The following STAT6 variants were observed in gnomAD, a reference collection of about 807,000 sequenced individuals.
STAT6 encodes the protein STAT, interleukin4-induced.
A neutral mutation model predicts 106.3 loss-of-function variants in STAT6; 45 were observed. The observed-to-expected ratio is 0.42, with a 90% CI of 0.33 to 0.54. STAT6 has a LOEUF of 0.54. Among genes scored for constraint, STAT6 ranks in the 20% least tolerant of loss-of-function variants. The pLI, the probability that STAT6 is intolerant of heterozygous loss-of-function variation, is 0.06. For missense variants in STAT6, 797 were observed against 1,062.2 expected, an observed-to-expected ratio of 0.75 and a Z score of 3.47; for synonymous variants, 413 against 413.6, an observed-to-expected ratio of 1.00 and a Z score of 0.02.
At chr12:57,105,800 G>A in intron 7 of STAT6, 1 of 920,498 alleles carries the variant, frequency 1.1e-6, no homozygotes, top group Non-Finnish European at 1.6e-6. Context: ...CATTCTCAGT[G>A]CCTACACCCC....
rs909474877 is a variant in STAT6 at position 57,107,669 on chromosome 12, A to C, written c.191T>G (p.Leu64Arg). ...SALLSDTVQH[L>R]QASVGEQGEG... ...CCCCTGCTCTCCCACCGAGGCCTGAAGGTGCTGGACAGTGTCTGAAAGTAG... is the reference window on the plus strand; with the variant it reads ...CCCCTGCTCTCCCACCGAGGCCTGACGGTGCTGGACAGTGTCTGAAAGTAG... The change falls in exon 3 of 22, where the codon CTT becomes CGT. Residue 64 changes from leucine to arginine, a missense_variant. Coordinates refer to ENST00000300134, the MANE Select transcript of STAT6 (RefSeq NM_003153.5). 6.2e-7 allele frequency: 1 copy of C among 1,613,848 alleles called. No homozygotes were observed. Among genetic ancestry groups the C allele is most frequent in the African/African-American group, 1.3e-5 (1 of 74,840 alleles).
chr12:57,100,751 G>GA (rs1185833280), intron 13 of STAT6: 39 of 222,746 alleles, frequency 1.8e-4, no homozygotes, highest in South Asian at 4.2e-4. Flanking sequence ...AGAAAGAAAA[G>GA]AAAAAAAAAC....
chr12:57,107,932 G>C (rs1002946096), intron 2 of STAT6, among the ~76,000 whole-genome samples, 189 bp from the exon 3 acceptor site: 2 of 152,150 alleles, frequency 1.3e-5, no homozygotes, highest in African/African-American at 4.8e-5. Context: ...CTTTGTCCCA[G>C]CCCAAACCCC....
In STAT6 at chr12:57,102,451, T is replaced by C. The variant is rs1369641452; in HGVS notation, c.1351A>G (p.Met451Val). The C allele has an allele frequency of 1.2e-6, 2 of 1,613,898 alleles. No homozygotes were observed. The highest frequency in any genetic ancestry group is 1.7e-6 in the Non-Finnish European group (2 of 1,179,998). ...VVAERVPWEK[M>V]CETLNLKFMA... is the part of the protein sequence containing the mutation. ...AACTTCAGGTTCAGAGTTTCACACA[T>C]CTTCTCCCAGGGCACCCGCTCAGCC... The change falls in exon 13 of 22, where the codon ATG becomes GTG. Residue 451 changes from methionine (M) to valine (V), a missense_variant. This residue lies in a region of STAT6 where 222 missense variants were observed against 354.6 expected (regional missense o/e 0.63). Transcript: ENST00000300134.
intron 1 of STAT6, among the ~76,000 whole-genome samples, chr12:57,109,733 A>G (rs1421993613): frequency 6.6e-6 from 1 of 152,092 alleles, no homozygotes; most frequent in Non-Finnish European, 1.5e-5. Context: ...AAAGGAGAGG[A>G]GGGGACAGGG....
rs2034287483 is a variant in STAT6 at position 57,106,519 on chromosome 12, A to G, written c.531+9T>C. ...GACCAAGGTCTCCACCTGTCAGCCC[A>G]TTACTCACCTCACTTGGCCCAGTCC... is the stretch of plus-strand genomic sequence containing the variant. On this transcript the variant is annotated intron_variant, in intron 6 of 21. Transcript: ENST00000300134. 2 of 1,613,996 alleles carry G rather than the reference A, an allele frequency of 1.2e-6. No individual in the cohort carries two copies. Among genetic ancestry groups the G allele is most frequent in the Non-Finnish European group, 1.7e-6 (2 of 1,179,996 alleles).
intron 11 of STAT6, chr12:57,104,116 C>T: frequency 3.7e-6 from 1 of 270,970 alleles, no homozygotes; most frequent in Non-Finnish European, 7.2e-6. Context: ...AACTCTCTGT[C>T]TCAATGTCCT....
rs2033417825 is a variant in STAT6 at position 57,096,276 on chromosome 12, T to C, written c.*296A>G. The C allele has an allele frequency of 7.9e-6, 3 of 378,066 alleles. No homozygotes were observed. In the Admixed American group the frequency reaches 1.3e-4, roughly 17 times the overall value. The allele number at this position is 378,066 out of a possible 1,614,324, so 23.4% of individuals were successfully genotyped here. ...ACCCTCAGAGAGCTCTGTATGTGTGTGTGCGTGCGTGTGCGCGCTGCAGGT... is the reference window on the plus strand; with the variant it reads ...ACCCTCAGAGAGCTCTGTATGTGTGCGTGCGTGCGTGTGCGCGCTGCAGGT... On this transcript the variant is annotated 3_prime_UTR_variant, in exon 22 of 22. Transcript: ENST00000300134.
rs891402485 is a variant in STAT6 at position 57,097,129 on chromosome 12, G to A, written c.2164C>T (p.His722Tyr). The A allele has an allele frequency of 6.6e-7, 1 of 1,514,744 alleles. No individual in the cohort carries two copies. Among genetic ancestry groups the A allele is most frequent in the South Asian group, 1.3e-5 (1 of 74,626 alleles). The allele number at this position is 1,514,744 out of a possible 1,614,324, so 93.8% of individuals were successfully genotyped here. Residue 722 changes from histidine to tyrosine, a missense_variant, in exon 20 of 22, where the codon CAC (histidine) becomes TAC (tyrosine). By Grantham distance (83) the His-to-Tyr change is moderately conservative (BLOSUM62 2). This residue lies in a region of STAT6 where 226 missense variants were observed against 236.7 expected (regional missense o/e 0.95). Transcript: ENST00000300134. ...CCCAGGCTGGGGGGCATCTGCAGGT[G>A]AGGCCTGGAAGTAGGGAGAGCACAG... ...VNVLSAFQEP[H>Y]LQMPPSLGQM...
At chr12:57,109,731 G>C (rs1292261741) in intron 1 of STAT6, among the ~76,000 whole-genome samples, 1 of 152,112 alleles carries the variant, frequency 6.6e-6, no homozygotes, top group Non-Finnish European at 1.5e-5. Context: ...AGAAAGGAGA[G>C]GAGGGGACAG....
rs2033430498 is a variant in STAT6 at position 57,096,437 on chromosome 12, TC to T, written c.*134del. 2 of 808,958 alleles carry T rather than the reference TC, an allele frequency of 2.5e-6. No homozygotes were observed. The highest frequency in any genetic ancestry group is 3.5e-5 in the African/African-American group (2 of 56,972). 50.1% of individuals were successfully genotyped at this position (808,958 alleles called of 1,614,324 possible). A position where few individuals can be genotyped will look rare whatever the true frequency, so the allele number is the denominator to read the frequency against. On this transcript the variant is annotated 3_prime_UTR_variant, in exon 22 of 22. Transcript: ENST00000300134. ...GTGCATTCTCCTGTTAGTCTTTTCC[TC>T]CTGACCCAGGAGTAGGTGGGGATAG...
chr12:57,101,309 G>A (rs1323952172), intron 13 of STAT6, among the ~76,000 whole-genome samples: 8 of 151,010 alleles, frequency 5.3e-5, no homozygotes, highest in South Asian at 2.1e-4. Flanking sequence ...GGATGGTCTC[G>A]ATCTCTTGAC....
chr12:57,104,696 C>A (rs748718170), intron 10 of STAT6, 30 bp downstream of exon 10: 1 of 1,613,876 alleles, frequency 6.2e-7, no homozygotes. Flanking sequence ...CCTAGTGGTG[C>A]CCCCCTCACT....
At position 57,100,096 on chromosome 12, in the gene STAT6, G is replaced by C. The variant is rs199784284; in HGVS notation, c.1513-6C>G. The C allele has an allele frequency of 2.1e-5, 34 of 1,587,384 alleles. No individual in the cohort carries two copies. The highest frequency in any genetic ancestry group is 2.0e-4 in the Admixed American group (11 of 55,502). On this transcript the variant is annotated splice_polypyrimidine_tract_variant and splice_region_variant and intron_variant, in intron 13 of 21. Transcript: ENST00000300134. ...CCACGGCCCAGCAGGATCTCCTAGGGGGAGAGGGGGAAAGGTGTGAGCCGA... is the reference window on the plus strand; with the variant it reads ...CCACGGCCCAGCAGGATCTCCTAGGCGGAGAGGGGGAAAGGTGTGAGCCGA...
chr12:57,099,659 C>A lies in STAT6; in HGVS notation c.1744+108G>T. On this transcript the variant is annotated intron_variant, in intron 15 of 21. Coordinates refer to ENST00000300134, the MANE Select transcript of STAT6 (RefSeq NM_003153.5). This position sits in a 1 kb window ranked among gnomAD's most constrained non-coding sequence, Gnocchi z 4.7. The stretch of plus-strand genomic sequence containing the variant: ...GAAGGAAGAAGAGAAGCTGGAAGAA[C>A]TTCCTGAAGATCAGGATCGGCATCA... 1.3e-6 allele frequency: 2 copies of A among 1,505,144 alleles called. No homozygotes were observed. The highest frequency in any genetic ancestry group is 1.8e-6 in the Non-Finnish European group (2 of 1,109,754). 93.2% of individuals were successfully genotyped at this position (1,505,144 alleles called of 1,614,324 possible). A position where few individuals can be genotyped will look rare whatever the true frequency, so the allele number is the denominator to read the frequency against.
chr12:57,096,379 T>C lies in STAT6; in HGVS notation c.*193A>G, dbSNP rs1000660641. 8.3e-6 allele frequency: 5 copies of C among 605,918 alleles called. No individual in the cohort carries two copies. In the East Asian group the frequency reaches 8.6e-5, roughly 10 times the overall value. 37.5% of individuals were successfully genotyped at this position (605,918 alleles called of 1,614,324 possible). On this transcript the variant is annotated 3_prime_UTR_variant, in exon 22 of 22. Transcript: ENST00000300134. The stretch of plus-strand genomic sequence containing the variant: ...TGGAAGGAGGTGGGCAGGGGAATGA[T>C]AGAAAGGAAGGAGTGGATTGGCTCC...
At position 57,099,471 on chromosome 12, in the gene STAT6, C is replaced by G. The variant is rs763864111; in HGVS notation, c.1745-31G>C. On this transcript the variant is annotated intron_variant, in intron 15 of 21. Transcript: ENST00000300134. The surrounding 1 kb of genome is among the most constrained non-coding windows in gnomAD (Gnocchi z 4.7). Reference sequence around the variant, plus strand: ...GTAGGAAGGAGACCCTGAGATCCCTCTGTCCGGACTTTCTTCCCCTTCCCC... The same window carrying G: ...GTAGGAAGGAGACCCTGAGATCCCTGTGTCCGGACTTTCTTCCCCTTCCCC... 1 of 1,613,732 alleles carries G rather than the reference C, an allele frequency of 6.2e-7. No individual in the cohort carries two copies. The highest frequency in any genetic ancestry group is 1.7e-5 in the Admixed American group (1 of 60,020).
intron 11 of STAT6, chr12:57,103,801 G>C (rs1325593076): frequency 6.7e-6 from 1 of 150,198 alleles, no homozygotes; most frequent in Non-Finnish European, 1.5e-5. Context: ...TCCTGACCTT[G>C]TGATCTACCC....
At chr12:57,106,145 G>A (rs750190373) in intron 7 of STAT6, 46 bp downstream of exon 7, 2 of 1,609,724 alleles carry the variant, frequency 1.2e-6, no homozygotes, top group Admixed American at 3.3e-5. Context: ...AGGGTCAGCT[G>A]CCCACCCCCA....
Sources: allele counts gnomAD v4.1 joint callset (sites outside exome capture counted in the v4.1 genomes callset), GRCh38; gene constraint gnomAD v4.1.1; regional missense constraint gnomAD v4.1.1; non-coding constraint Gnocchi (gnomAD v3.1); transcripts MANE v1.5; gene names NCBI Gene and HGNC (gene_info 2026-07-23, HGNC 2026-07-21).